Variants in CADM2 observed in about 807,000 individuals in gnomAD.
The protein encoded by CADM2 is immunoglobulin superfamily member 4D.
A neutral mutation model predicts 49.8 loss-of-function variants in CADM2; 12 were observed. The ratio of observed to expected loss-of-function variants is 0.24; its 90% CI spans 0.15 to 0.39. The LOEUF (loss-of-function observed/expected upper bound fraction) is 0.39. CADM2 is among the 10% of genes least tolerant of loss of function. The pLI is 1.00. For missense variants in CADM2, 378 were observed against 492.3 expected, an observed-to-expected ratio of 0.77 and a Z score of 2.20; for synonymous variants, 214 against 175.4, an observed-to-expected ratio of 1.22 and a Z score of -1.74.
At chr3:85,505,486 C>G (rs1180751763) in intron 1 of CADM2, among the ~76,000 whole-genome samples, 2 of 152,068 alleles carry the variant, frequency 1.3e-5, no homozygotes, top group Non-Finnish European at 2.9e-5. Context: ...TCATCAGAAC[C>G]ACCTGTGGAG....
intron 1 of CADM2, among the ~76,000 whole-genome samples, chr3:85,051,577 C>A (rs1243979388): frequency 7.2e-5 from 11 of 152,130 alleles, no homozygotes; most frequent in Admixed American, 7.2e-4. Context: ...AAGAAGACTA[C>A]TAATGGTGGC....
chr3:85,786,628 A>G (rs1363582874), intron 2 of CADM2, among the ~76,000 whole-genome samples: 1 of 152,098 alleles, frequency 6.6e-6, no homozygotes, highest in African/African-American at 2.4e-5. Context: ...TTTCTATGTT[A>G]CTACATATTG....
At chr3:85,160,244 C>A (rs1278185153) in intron 1 of CADM2, among the ~76,000 whole-genome samples, 1 of 152,040 alleles carries the variant, frequency 6.6e-6, no homozygotes, top group East Asian at 1.9e-4. Flanking sequence ...CTAAAAATTT[C>A]TTCCCAAACC....
intron 3 of CADM2, among the ~76,000 whole-genome samples, chr3:85,808,698 C>T (rs1446905680): frequency 6.6e-6 from 1 of 152,090 alleles, no homozygotes; most frequent in Non-Finnish European, 1.5e-5. Context: ...TGATTTTCTT[C>T]TCAATATTTC....
intron 1 of CADM2, among the ~76,000 whole-genome samples, chr3:85,405,194 A>G (rs1392404040): frequency 1.3e-5 from 2 of 152,264 alleles, no homozygotes; most frequent in East Asian, 3.9e-4. Context: ...TTTACATATT[A>G]CTATACTTAG....
At chr3:85,972,033 G>C (rs1043955455) in intron 8 of CADM2, among the ~76,000 whole-genome samples, 1 of 151,466 alleles carries the variant, frequency 6.6e-6, no homozygotes, top group African/African-American at 2.4e-5. Flanking sequence ...AAGCAGATGG[G>C]GTTACTATAT....
At chr3:85,040,676 T>C (rs1284711123) in intron 1 of CADM2, among the ~76,000 whole-genome samples, 1 of 152,234 alleles carries the variant, frequency 6.6e-6, no homozygotes, top group Admixed American at 6.5e-5. Context: ...ATTCTGATTA[T>C]GGTAGCTAAT....
intron 1 of CADM2, among the ~76,000 whole-genome samples, chr3:85,663,301 T>C (rs1214067743): frequency 6.6e-6 from 1 of 152,034 alleles, no homozygotes; most frequent in Admixed American, 6.6e-5. Context: ...TAAAGTCCCT[T>C]TAAATTTAGG....
chr3:85,607,016 A>G (rs994859676), intron 1 of CADM2, among the ~76,000 whole-genome samples: 1 of 152,164 alleles, frequency 6.6e-6, no homozygotes, highest in Non-Finnish European at 1.5e-5. Flanking sequence ...AAGTATTTCA[A>G]TTATTTATAT....
rs188129026 is a variant in CADM2 at position 85,294,879 on chromosome 3, G to C, written c.61+335211G>C. On this transcript the variant is annotated intron_variant, in intron 1 of 9. Coordinates refer to ENST00000383699, the MANE Select transcript of CADM2 (RefSeq NM_001167675.2). ...CATTACCATTCAGGACATAGGCATG[G>C]GCAAGGACTTCATGACTAAAACACC... Among the ~76,000 whole-genome samples, 712 of 152,186 alleles carry C rather than the reference G, an allele frequency of 4.7e-3. 4 individuals carry two copies. The highest frequency in any genetic ancestry group is 0.027 in the Middle Eastern group (8 of 294).
chr3:85,864,684 T>A (rs2075659183), intron 3 of CADM2, among the ~76,000 whole-genome samples: 1 of 152,216 alleles, frequency 6.6e-6, no homozygotes, highest in South Asian at 2.1e-4. Context: ...AATTACTTCT[T>A]TACATATTGA....
At chr3:85,763,666 C>T (rs527996685) in intron 2 of CADM2, among the ~76,000 whole-genome samples, 1 of 152,292 alleles carries the variant, frequency 6.6e-6, no homozygotes, top group Admixed American at 6.5e-5. Context: ...CGTTATCCAT[C>T]CTCTAATCAA....
In CADM2 at chr3:86,012,913, T is replaced by C. The variant is rs151276116; in HGVS notation, c.970+51266T>C. ...TGGCGTGAACCCGGGAGGCGGAGCT[T>C]GCAGTGAGCCGAGATCGCGCCACTG... On this transcript the variant is annotated intron_variant, in intron 8 of 9. Coordinates refer to ENST00000383699, the MANE Select transcript of CADM2 (RefSeq NM_001167675.2). 2,637 of 609,814 alleles carry C rather than the reference T, an allele frequency of 4.3e-3. 61 individuals are homozygous for C. Among genetic ancestry groups the C allele is most frequent in the African/African-American group, 0.042 (2,311 of 54,944 alleles). The allele number at this position is 609,814 out of a possible 1,614,324, so 37.8% of individuals were successfully genotyped here.
chr3:85,075,573 T>A (rs2036913264), intron 1 of CADM2, among the ~76,000 whole-genome samples: 1 of 152,138 alleles, frequency 6.6e-6, no homozygotes, highest in African/African-American at 2.4e-5. Context: ...TGTTTGTGGG[T>A]TACATTTACT....
intron 1 of CADM2, among the ~76,000 whole-genome samples, chr3:85,284,706 GA>G (rs757508520): frequency 6.6e-6 from 1 of 151,922 alleles, no homozygotes; most frequent in African/African-American, 2.4e-5. Flanking sequence ...GATATATGAG[GA>G]AAAAAGGTAG....
At chr3:85,222,280 C>A (rs2042060741) in intron 1 of CADM2, among the ~76,000 whole-genome samples, 1 of 152,138 alleles carries the variant, frequency 6.6e-6, no homozygotes. Context: ...GTGTTGAGAC[C>A]TCATTTCTCT....
chr3:85,419,372 G>A (rs548228496), intron 1 of CADM2, among the ~76,000 whole-genome samples: 1 of 152,148 alleles, frequency 6.6e-6, no homozygotes, highest in Non-Finnish European at 1.5e-5. Flanking sequence ...ACAGGAGAAT[G>A]GCGTGAACCC....
At chr3:85,326,115 A>G (rs2107128266) in intron 1 of CADM2, among the ~76,000 whole-genome samples, 1 of 152,234 alleles carries the variant, frequency 6.6e-6, no homozygotes. Context: ...TCTTTAAATA[A>G]CCTGTGATTT....
rs138352979 is a variant in CADM2 at position 85,019,887 on chromosome 3, T to C, written c.61+60219T>C. ...AACGTCCAGTTCAAAAATCACACTC[T>C]AGTAGATAGATTCTAAAACAGCTAC... On this transcript the variant is annotated intron_variant, in intron 1 of 9. Transcript: ENST00000383699. Among the ~76,000 whole-genome samples the C allele has an allele frequency of 7.0e-3, 1,064 of 152,298 alleles. 15 individuals are homozygous for C. Among genetic ancestry groups the C allele is most frequent in the South Asian group, 0.042 (203 of 4,828 alleles).
Sources: allele counts gnomAD v4.1 joint callset (sites outside exome capture counted in the v4.1 genomes callset), GRCh38; gene constraint gnomAD v4.1.1; transcripts MANE v1.5; gene names NCBI Gene and HGNC (gene_info 2026-07-23, HGNC 2026-07-21).